Variants in AP3D1 observed in about 807,000 individuals in gnomAD.
AP3D1 encodes the protein AP-3 complex subunit delta-1.
In AP3D1, 51 loss-of-function variants were observed where a neutral mutation model predicts 147.6. The observed-to-expected ratio is 0.35, with a 90% confidence interval of 0.28 to 0.44. The LOEUF (loss-of-function observed/expected upper bound fraction) is 0.44, where lower values mean the gene tolerates loss of function less well. AP3D1 is among the 20% of genes least tolerant of loss of function. The pLI is 1.00. For synonymous variants in AP3D1, 760 were observed against 663.0 expected, an observed-to-expected ratio of 1.15 and a Z score of -2.25; for missense variants, 1,421 against 1,624.2, an observed-to-expected ratio of 0.87 and a Z score of 2.15.
At position 2,111,801 on chromosome 19, in the gene AP3D1, GCTTCTT is replaced by G; in HGVS notation, c.2809_2814del (p.Lys937_Lys938del). 1.2e-6 allele frequency: 2 copies of G among 1,613,912 alleles called. No individual in the cohort carries two copies. Among genetic ancestry groups the G allele is most frequent in the Non-Finnish European group, 1.7e-6 (2 of 1,179,936 alleles). On this transcript the variant is annotated inframe_deletion, in exon 25 of 32. Coordinates refer to ENST00000643116, the MANE Select transcript of AP3D1 (RefSeq NM_001261826.3). ...GTCCGCTCCTCCTTCTCCTTCCTGT[GCTTCTT>G]CTTCTTAGGCTTGGGAGATTTCTGG...
At chr19:2,140,979 G>C (rs141424750) in intron 1 of AP3D1, among the ~76,000 whole-genome samples, 1 of 151,810 alleles carries the variant, frequency 6.6e-6, no homozygotes, top group Non-Finnish European at 1.5e-5. Context: ...GGCTGGTCTC[G>C]AATTCCTGAC....
At chr19:2,105,511 C>T (rs55848295) in intron 31 of AP3D1, among the ~76,000 whole-genome samples, 18,265 of 152,246 alleles carry the variant, frequency 0.12, 1,404 homozygotes, top group South Asian at 0.22. Context: ...CCCATCCATT[C>T]GTTTCCCGTA....
chr19:2,159,757 G>A (rs1407395473), intron 1 of AP3D1, among the ~76,000 whole-genome samples: 1 of 150,870 alleles, frequency 6.6e-6, no homozygotes, highest in Non-Finnish European at 1.5e-5. Context: ...CTGGAGTGCA[G>A]TGGCGCTATC....
Position 2,110,696 on chromosome 19 carries a change from G to T in AP3D1, c.3175+11C>A. The T allele has an allele frequency of 1.3e-6, 2 of 1,584,648 alleles. No homozygotes were observed. Among genetic ancestry groups the T allele is most frequent in the Non-Finnish European group, 8.6e-7 (1 of 1,166,460 alleles). ...GTCCCCAGGAGAGGCCGTGAGTGGG[G>T]CAGGGCTCACCTGGGGGCAGCTGGA... is the stretch of plus-strand genomic sequence containing the variant. On this transcript the variant is annotated intron_variant, in intron 27 of 31. Coordinates refer to ENST00000643116, the MANE Select transcript of AP3D1 (RefSeq NM_001261826.3).
chr19:2,135,190 G>T (rs1457899384), intron 4 of AP3D1, among the ~76,000 whole-genome samples: 2 of 151,876 alleles, frequency 1.3e-5, no homozygotes, highest in Non-Finnish European at 2.9e-5. Context: ...GACAGAGCAA[G>T]ACTCCATCTC....
intron 22 of AP3D1, among the ~76,000 whole-genome samples, chr19:2,113,684 A>G (rs529868516): frequency 2.0e-5 from 3 of 152,322 alleles, no homozygotes; most frequent in East Asian, 1.9e-4. Context: ...GTGGCGGCCC[A>G]TATGTCTTAT....
At chr19:2,145,531 C>T (rs1201539488) in intron 1 of AP3D1, among the ~76,000 whole-genome samples, 1 of 152,184 alleles carries the variant, frequency 6.6e-6, no homozygotes, top group Non-Finnish European at 1.5e-5. Flanking sequence ...CAGTGCCCTG[C>T]AGTGCCCCAA....
chr19:2,164,249 G>T, intron 1 of AP3D1: 2 of 1,282,764 alleles, frequency 1.6e-6, no homozygotes, highest in Non-Finnish European at 2.0e-6. Context: ...GTCTACCCGT[G>T]GCCGCTGCCG....
At chr19:2,154,752 C>A (rs1374210851), upstream of AP3D1, among the ~76,000 whole-genome samples, 1 of 152,278 alleles carries the variant, frequency 6.6e-6, no homozygotes, top group African/African-American at 2.4e-5. Context: ...TACAGAGAGA[C>A]CAAGACAAAT....
chr19:2,123,919 T>A lies in AP3D1; in HGVS notation c.857-40A>T, dbSNP rs367687448. On this transcript the variant is annotated intron_variant, in intron 9 of 31. Coordinates refer to ENST00000643116, the MANE Select transcript of AP3D1 (RefSeq NM_001261826.3). ...TTGGTCAGCACCACGGTCAGCACCA[T>A]GGCCAGCGCCGACACCAACTCAGGG... The A allele has an allele frequency of 2.1e-5, 33 of 1,556,550 alleles. No homozygotes were observed. The South Asian group carries it at 3.8e-4, about 18-fold the overall frequency.
At chr19:2,107,462 C>T (rs73512336) in intron 31 of AP3D1, among the ~76,000 whole-genome samples, 6,019 of 151,938 alleles carry the variant, frequency 0.04, 329 homozygotes, top group African/African-American at 0.12. Flanking sequence ...CAATAAAGGC[C>T]GGGCGCGGTG....
In AP3D1 at chr19:2,129,102, T is replaced by G. The variant is rs769520832; in HGVS notation, c.794A>C (p.Asn265Thr). The G allele has an allele frequency of 6.3e-7, 1 of 1,588,178 alleles. No homozygotes were observed. Among genetic ancestry groups the G allele is most frequent in the Non-Finnish European group, 8.6e-7 (1 of 1,168,366 alleles). Residue 265 changes from asparagine (N) to threonine (T), a missense_variant, in exon 8 of 32, where the codon AAT (asparagine) becomes ACT (threonine). Transcript: ENST00000643116. ...GGCCTGCACTCACCTGTGGATGAGA[T>G]TGGTGAGGGGCTCGATCAGCTTCTT... ...LGKKLIEPLT[N>T]LIHSTSAMSL...
chr19:2,136,879 C>A lies in AP3D1; in HGVS notation c.354+132G>T, dbSNP rs1362166257. On this transcript the variant is annotated intron_variant, in intron 4 of 31. Coordinates refer to ENST00000643116, the MANE Select transcript of AP3D1 (RefSeq NM_001261826.3). ...TGCGTCTGCTGGGAGGACTGTGGCT[C>A]CGGAAGCCCCGCTCGCACTCAAGGG... 7.4e-6 allele frequency: 6 copies of A among 813,742 alleles called. No homozygotes were observed. The East Asian group carries it at 1.6e-4, about 22-fold the overall frequency. 50.4% of individuals were successfully genotyped at this position (813,742 alleles called of 1,614,324 possible). A position where few individuals can be genotyped will look rare whatever the true frequency, so the allele number is the denominator to read the frequency against.
chr19:2,136,984 G>C (rs1177698032), intron 4 of AP3D1, 27 bp downstream of exon 4: 2 of 1,559,046 alleles, frequency 1.3e-6, no homozygotes, highest in South Asian at 2.4e-5. Context: ...ACTCAGCACA[G>C]AGCGGCCCCG....
At chr19:2,125,699 A>G (rs1459671175) in intron 9 of AP3D1, among the ~76,000 whole-genome samples, 2 of 152,132 alleles carry the variant, frequency 1.3e-5, no homozygotes, top group African/African-American at 4.8e-5. Context: ...GTAGGAACAA[A>G]TGTATTTTAA....
Position 2,129,072 on chromosome 19 carries a change from C to T in AP3D1, c.806+18G>A, listed in dbSNP as rs549662017. The T allele has an allele frequency of 4.5e-6, 7 of 1,566,138 alleles. No individual in the cohort carries two copies. In the Admixed American group the frequency reaches 5.8e-5, roughly 13 times the overall value. On this transcript the variant is annotated intron_variant, in intron 8 of 31. Transcript: ENST00000643116. The stretch of plus-strand genomic sequence containing the variant: ...CCGTGGAGCCGGCCCGCCCCCACCG[C>T]GCATGGCCTGCACTCACCTGTGGAT...
In AP3D1 at chr19:2,117,366, G is replaced by A. The variant is rs767669178; in HGVS notation, c.1715C>T (p.Ala572Val). Reference sequence around the variant, plus strand: ...CTTGACCAGCTGCAGGATGCAGGACGCCTGTGGGGGACACAGGGGTCACTG... The same window carrying A: ...CTTGACCAGCTGCAGGATGCAGGACACCTGTGGGGGACACAGGGGTCACTG... ...QSADLEVQERASCILQLVKHI... is the reference protein window; with the variant it reads ...QSADLEVQERVSCILQLVKHI... The change falls in exon 16 of 32, where the codon GCG becomes GTG. Residue 572 changes from alanine to valine, a missense_variant and splice_region_variant. Coordinates refer to ENST00000643116, the MANE Select transcript of AP3D1 (RefSeq NM_001261826.3). The A allele has an allele frequency of 3.1e-6, 5 of 1,595,960 alleles. No individual in the cohort carries two copies. The highest frequency in any genetic ancestry group is 3.4e-6 in the Non-Finnish European group (4 of 1,172,558).
chr19:2,160,936 C>G (rs2019691797), intron 1 of AP3D1, among the ~76,000 whole-genome samples: 1 of 152,036 alleles, frequency 6.6e-6, no homozygotes, highest in African/African-American at 2.4e-5. Flanking sequence ...CCCAGTGTTT[C>G]CTGGGTGCAG....
intron 31 of AP3D1, among the ~76,000 whole-genome samples, chr19:2,108,002 G>A (rs1205632498): frequency 1.3e-5 from 2 of 152,168 alleles, no homozygotes; most frequent in Non-Finnish European, 2.9e-5. Flanking sequence ...AAAAAACTGA[G>A]GATGTAGCTA....
Sources: gnomAD v4.1 joint callset for allele counts (sites outside exome capture counted in the v4.1 genomes callset) on GRCh38, gnomAD v4.1.1 for gene constraint, MANE v1.5 for transcripts, NCBI Gene and HGNC (gene_info 2026-07-23, HGNC 2026-07-21) for gene names.